The following HORMAD2 variants were observed in gnomAD, a reference collection of about 807,000 sequenced individuals.
HORMAD2 encodes HORMA domain containing 2.
In HORMAD2, 45 loss-of-function variants were observed where a neutral mutation model predicts 38.8. The ratio of observed to expected loss-of-function variants is 1.16; its 90% CI spans 0.91 to 1.49. The LOEUF (loss-of-function observed/expected upper bound fraction) is 1.49, where lower values mean the gene tolerates loss of function less well. HORMAD2 is among the 40% of genes most tolerant of loss of function. The pLI is 0.00. For missense variants in HORMAD2, 338 were observed against 367.0 expected (o/e 0.92, Z 0.65); for synonymous variants, 126 against 122.8 (o/e 1.03, Z -0.17).
At chr22:30,088,633 A>C (rs555925055) in intron 1 of HORMAD2, among the ~76,000 whole-genome samples, 12 of 151,680 alleles carry the variant, frequency 7.9e-5, no homozygotes, top group South Asian at 4.1e-4. Flanking sequence ...AGTTTTAATA[A>C]GTAAGTTTTA....
chr22:30,125,443 G>T (rs1164151677), intron 10 of HORMAD2, among the ~76,000 whole-genome samples: 1 of 151,244 alleles, frequency 6.6e-6, no homozygotes, highest in African/African-American at 2.4e-5. Flanking sequence ...GGTCAGGGTG[G>T]TCTTGAACTC....
intron 10 of HORMAD2, among the ~76,000 whole-genome samples, chr22:30,138,379 G>A (rs1923820630): frequency 6.6e-6 from 1 of 151,812 alleles, no homozygotes; most frequent in Admixed American, 6.6e-5. Flanking sequence ...TGTTTCCTGG[G>A]CTGGTCTCGA....
chr22:30,136,479 C>G (rs1601559210), intron 10 of HORMAD2, among the ~76,000 whole-genome samples: 1 of 152,160 alleles, frequency 6.6e-6, no homozygotes, highest in Admixed American at 6.6e-5. Flanking sequence ...TCCTCTCCCC[C>G]AGTCCTAAAT....
intron 2 of HORMAD2, 47 bp from the exon 3 acceptor site, chr22:30,098,805 A>G: frequency 6.5e-7 from 1 of 1,537,458 alleles, no homozygotes; most frequent in Non-Finnish European, 8.9e-7. Flanking sequence ...GCTAAACTGA[A>G]TATATTAAAT....
rs147485688 is a variant in HORMAD2 at position 30,110,896 on chromosome 22, G to A, written c.295-900G>A. Among the ~76,000 whole-genome samples, 760 of 151,866 alleles carry A rather than the reference G, an allele frequency of 5.0e-3. 2 individuals are homozygous for A. The highest frequency in any genetic ancestry group is 9.3e-3 in the Non-Finnish European group (631 of 67,944). ...GGACGGGGCCAGGGCAGTGGTTCAC[G>A]CCTGTAATCCCAACACTTTGGGAGG... On this transcript the variant is annotated intron_variant, in intron 5 of 10. Transcript: ENST00000336726.
intron 10 of HORMAD2, chr22:30,137,136 A>C: frequency 2.3e-6 from 1 of 441,860 alleles, no homozygotes; most frequent in East Asian, 4.4e-5. Context: ...CATGGAACAC[A>C]TTTTGTCACA....
intron 7 of HORMAD2, among the ~76,000 whole-genome samples, chr22:30,112,775 A>G (rs1921762444): frequency 6.6e-6 from 1 of 152,142 alleles, no homozygotes; most frequent in Non-Finnish European, 1.5e-5. Context: ...TGTTGGCATT[A>G]AGAGTCTCTT....
At chr22:30,164,379 T>C (rs1165168122) in intron 10 of HORMAD2, among the ~76,000 whole-genome samples, 2 of 152,194 alleles carry the variant, frequency 1.3e-5, no homozygotes, top group Non-Finnish European at 2.9e-5. Context: ...TGCCCTACTA[T>C]TTTCCATAGC....
chr22:30,097,983 G>C (rs1920923166), intron 2 of HORMAD2, among the ~76,000 whole-genome samples: 1 of 152,146 alleles, frequency 6.6e-6, no homozygotes, highest in South Asian at 2.1e-4. Flanking sequence ...GGGTATGAAG[G>C]AGAGAGAAGA....
At chr22:30,204,909 G>C in the HORMAD2 span, among the ~76,000 whole-genome samples, 4 of 152,214 alleles carry the variant, frequency 2.6e-5, no homozygotes, top group African/African-American at 9.6e-5. Context: ...CGAGCTCTGA[G>C]AGCCGCCTGA....
At chr22:30,101,484 T>G (rs760585855) in intron 3 of HORMAD2, among the ~76,000 whole-genome samples, 10 of 151,724 alleles carry the variant, frequency 6.6e-5, no homozygotes, top group Non-Finnish European at 1.2e-4. Flanking sequence ...ACCTAATGCA[T>G]GTGGGGCTTA....
intron 10 of HORMAD2, among the ~76,000 whole-genome samples, chr22:30,129,085 G>T (rs1317647653): frequency 6.6e-6 from 1 of 151,772 alleles, no homozygotes; most frequent in Non-Finnish European, 1.5e-5. Flanking sequence ...AGGCGTGGTG[G>T]TGGGCACCTG....
downstream of HORMAD2, among the ~76,000 whole-genome samples, chr22:30,180,694 G>A (rs968132152): frequency 2.6e-5 from 4 of 152,038 alleles, no homozygotes; most frequent in Admixed American, 6.6e-5. Context: ...ACTACTCATC[G>A]TGATGGCTGC....
intron 2 of HORMAD2, among the ~76,000 whole-genome samples, chr22:30,095,826 T>A (rs1601510036): frequency 6.6e-6 from 1 of 152,190 alleles, no homozygotes; most frequent in Non-Finnish European, 1.5e-5. Context: ...ATTCATATAA[T>A]GCATAGGTGT....
chr22:30,168,708 T>C (rs1487277688), intron 10 of HORMAD2, among the ~76,000 whole-genome samples: 1 of 152,178 alleles, frequency 6.6e-6, no homozygotes, highest in Non-Finnish European at 1.5e-5. Flanking sequence ...CAGGCACTCA[T>C]TCTGTCTCTC....
intron 10 of HORMAD2, among the ~76,000 whole-genome samples, chr22:30,139,254 C>CTATATATATATA (rs3067131): frequency 0.022 from 2,101 of 96,400 alleles, 60 homozygotes; most frequent in African/African-American, 0.047. Flanking sequence ...ATGAACTGTA[C>CTATATATATATA]TATATATATA....
At chr22:30,194,993 C>T in the HORMAD2 span, among the ~76,000 whole-genome samples, 4 of 151,892 alleles carry the variant, frequency 2.6e-5, no homozygotes, top group Admixed American at 6.6e-5. Context: ...GAGATCGAGA[C>T]CATCCTGGCT....
At chr22:30,132,779 T>C (rs1272118583) in intron 10 of HORMAD2, among the ~76,000 whole-genome samples, 2 of 152,190 alleles carry the variant, frequency 1.3e-5, no homozygotes, top group Non-Finnish European at 2.9e-5. Context: ...TATGAATCAT[T>C]CTATAACATC....
At chr22:30,127,053 C>G (rs1478133228) in intron 10 of HORMAD2, among the ~76,000 whole-genome samples, 1 of 151,870 alleles carries the variant, frequency 6.6e-6, no homozygotes, top group African/African-American at 2.4e-5. Flanking sequence ...CTTTTTTTCT[C>G]TTGGATTGTC....
Sources: allele counts gnomAD v4.1 joint callset (sites outside exome capture counted in the v4.1 genomes callset), GRCh38; gene constraint gnomAD v4.1.1; transcripts MANE v1.5; gene names NCBI Gene and HGNC (gene_info 2026-07-23, HGNC 2026-07-21).